The following RIMS1 variants were observed in gnomAD, a reference collection of about 807,000 sequenced individuals.
The protein encoded by RIMS1 is regulating synaptic membrane exocytosis protein 1.
RIMS1 carries 83 observed loss-of-function variants against 214.1 expected under a neutral mutation model. The observed-to-expected ratio is 0.39, with a 90% CI of 0.32 to 0.47. The LOEUF (loss-of-function observed/expected upper bound fraction) is 0.47, where lower values mean the gene tolerates loss of function less well. Among genes scored for constraint, RIMS1 ranks in the 20% least tolerant of loss-of-function variants. The pLI is 0.99. For missense variants in RIMS1, 2,050 were observed against 2,161.8 expected (o/e 0.95, Z 1.03); for synonymous variants, 793 against 786.8 (o/e 1.01, Z -0.13).
intron 1 of RIMS1, among the ~76,000 whole-genome samples, chr6:71,935,790 C>T (rs1040736867): frequency 2.0e-5 from 3 of 152,146 alleles, no homozygotes; most frequent in South Asian, 2.1e-4. Flanking sequence ...GTAGATTCTG[C>T]GAACACAATT....
chr6:71,926,665 A>G (rs570576139), intron 1 of RIMS1, among the ~76,000 whole-genome samples: 9 of 152,332 alleles, frequency 5.9e-5, no homozygotes, highest in Admixed American at 3.3e-4. Context: ...AATTAAGTTA[A>G]TGAACAAACC....
intron 2 of RIMS1, among the ~76,000 whole-genome samples, chr6:72,095,250 A>C (rs1420413763): frequency 6.6e-6 from 1 of 150,974 alleles, no homozygotes. Flanking sequence ...GGCGTGAGCC[A>C]CCGCGCCCAG....
chr6:71,908,964 A>G (rs556950296), intron 1 of RIMS1, among the ~76,000 whole-genome samples: 156 of 152,250 alleles, frequency 1.0e-3, no homozygotes, highest in African/African-American at 3.7e-3. Context: ...CTCATATATC[A>G]ATATTTAGAT....
chr6:72,091,586 G>A (rs552294527), intron 2 of RIMS1, among the ~76,000 whole-genome samples: 2 of 151,988 alleles, frequency 1.3e-5, no homozygotes, highest in East Asian at 3.9e-4. Flanking sequence ...TGTTTCTTTT[G>A]AAATATATGC....
chr6:72,204,385 A>G (rs1018502030), intron 6 of RIMS1, among the ~76,000 whole-genome samples: 1 of 152,218 alleles, frequency 6.6e-6, no homozygotes, highest in Admixed American at 6.5e-5. Flanking sequence ...AACTTCAGCC[A>G]TGCCCTTCAA....
intron 1 of RIMS1, among the ~76,000 whole-genome samples, chr6:71,935,129 C>T (rs922066305): frequency 1.3e-5 from 2 of 152,124 alleles, no homozygotes; most frequent in Admixed American, 6.5e-5. Context: ...TGGAGCTTTC[C>T]TTGCAGTTCT....
chr6:72,313,737 T>C lies in RIMS1; in HGVS notation c.4130+65T>C. ...CTGTGATATAAAAATACAACTAGCTTCCTGAATATTTTTTCTATAATACAG... is the reference window on the plus strand; with the variant it reads ...CTGTGATATAAAAATACAACTAGCTCCCTGAATATTTTTTCTATAATACAG... On this transcript the variant is annotated intron_variant, in intron 28 of 33. Transcript: ENST00000521978. 3.4e-6 allele frequency: 5 copies of C among 1,458,430 alleles called. No homozygotes were observed. The Admixed American group carries it at 9.2e-5, about 27-fold the overall frequency. The allele number at this position is 1,458,430 out of a possible 1,614,324, so 90.3% of individuals were successfully genotyped here.
At chr6:72,220,762 A>T (rs2058114423) in intron 6 of RIMS1, among the ~76,000 whole-genome samples, 1 of 152,084 alleles carries the variant, frequency 6.6e-6, no homozygotes, top group Non-Finnish European at 1.5e-5. Context: ...AAATTCATTG[A>T]GCTTGTTTCT....
At chr6:72,368,882 A>G (rs960747643) in intron 29 of RIMS1, among the ~76,000 whole-genome samples, 1 of 151,972 alleles carries the variant, frequency 6.6e-6, no homozygotes, top group African/African-American at 2.4e-5. Context: ...TGTTGGGAAG[A>G]TGTTTTGAGG....
intron 29 of RIMS1, among the ~76,000 whole-genome samples, chr6:72,336,409 G>A (rs181628556): frequency 6.6e-6 from 1 of 151,804 alleles, no homozygotes; most frequent in Non-Finnish European, 1.5e-5. Context: ...ATGGTCAGAT[G>A]TTGACTTCAA....
chr6:72,228,786 G>T (rs1168481359), intron 6 of RIMS1, among the ~76,000 whole-genome samples: 2 of 151,792 alleles, frequency 1.3e-5, no homozygotes, highest in Admixed American at 1.3e-4. Flanking sequence ...ATGTAGAAAG[G>T]TTCCAAAATT....
chr6:72,098,983 A>G (rs1461253658), intron 3 of RIMS1, among the ~76,000 whole-genome samples: 1 of 152,222 alleles, frequency 6.6e-6, no homozygotes, highest in Non-Finnish European at 1.5e-5. Context: ...ATTTTGGAAT[A>G]CATTCTTACA....
chr6:72,387,890 G>T (rs1207712721), intron 29 of RIMS1, among the ~76,000 whole-genome samples: 1 of 152,034 alleles, frequency 6.6e-6, no homozygotes, highest in Non-Finnish European at 1.5e-5. Context: ...ATAAAGAGAT[G>T]GTTTAATGAT....
At chr6:71,978,902 T>C (rs949518295) in intron 2 of RIMS1, among the ~76,000 whole-genome samples, 6 of 152,072 alleles carry the variant, frequency 3.9e-5, no homozygotes, top group South Asian at 2.1e-4. Flanking sequence ...AATTTGAAAA[T>C]AGAGAATTCT....
intron 3 of RIMS1, among the ~76,000 whole-genome samples, chr6:72,099,520 A>G (rs1040499775): frequency 2.0e-5 from 3 of 152,166 alleles, no homozygotes; most frequent in Non-Finnish European, 2.9e-5. Flanking sequence ...TTTATTTATT[A>G]TAAACATTTC....
At chr6:72,217,365 GT>G (rs1302270738) in intron 6 of RIMS1, 2 of 832,168 alleles carry the variant, frequency 2.4e-6, no homozygotes, top group Non-Finnish European at 3.5e-6. Flanking sequence ...GAATAAGGAT[GT>G]TTTGCTTTAT....
intron 29 of RIMS1, among the ~76,000 whole-genome samples, chr6:72,383,376 G>A (rs956817733): frequency 1.3e-5 from 2 of 151,982 alleles, no homozygotes; most frequent in Admixed American, 1.3e-4. Flanking sequence ...TTTGTTGAAT[G>A]ACTAAAGGAC....
chr6:72,361,096 C>CTTTTTTTTTTTTT (rs70994124), intron 29 of RIMS1, among the ~76,000 whole-genome samples: 1 of 54,434 alleles, frequency 1.8e-5, no homozygotes, highest in Non-Finnish European at 3.4e-5. Flanking sequence ...GTCTTTCTTT[C>CTTTTTTTTTTTTT]TTTTTTTTTT....
At chr6:72,179,113 T>C (rs1000344081) in intron 4 of RIMS1, among the ~76,000 whole-genome samples, 2 of 152,220 alleles carry the variant, frequency 1.3e-5, no homozygotes, top group Non-Finnish European at 2.9e-5. Context: ...TTGTGGGTGA[T>C]TTTTGAAAAG....
Sources: allele counts gnomAD v4.1 joint callset (sites outside exome capture counted in the v4.1 genomes callset), GRCh38; gene constraint gnomAD v4.1.1; transcripts MANE v1.5; gene names NCBI Gene and HGNC (gene_info 2026-07-23, HGNC 2026-07-21).